The following UGGT2 variants were observed in gnomAD, a reference collection of about 807,000 sequenced individuals.
UGGT2 encodes UDP-glucose glycoprotein glucosyltransferase 2, also known as UDP-glucose:glycoprotein glucosyltransferase 2.
A neutral mutation model predicts 192.1 loss-of-function variants in UGGT2; 180 were observed. The observed-to-expected ratio is 0.94, with a 90% CI of 0.83 to 1.06. The LOEUF (loss-of-function observed/expected upper bound fraction) is 1.06. Among genes scored for constraint, UGGT2 ranks in the 50% least tolerant of loss-of-function variants. The probability of loss-of-function intolerance (pLI) is 0.00; values close to 1 mark genes in which losing one functional copy is unlikely to be tolerated. For synonymous variants in UGGT2, 580 were observed against 591.0 expected (o/e 0.98, Z 0.27); for missense variants, 1,849 against 1,795.7 (o/e 1.03, Z -0.54).
In UGGT2 at chr13:95,947,195, G is replaced by T. The variant is rs1266513971; in HGVS notation, c.1542-23C>A. 5 of 1,568,124 alleles carry T rather than the reference G, an allele frequency of 3.2e-6. No homozygotes were observed. In the Admixed American group the frequency reaches 5.9e-5, roughly 18 times the overall value. On this transcript the variant is annotated intron_variant, in intron 14 of 38. Transcript: ENST00000376747. Reference sequence around the variant, plus strand: ...ATTCTGGAAAAAGAAGATGAACAAGGACTGTTATAATTACCTCTTGAATCA... The same window carrying T: ...ATTCTGGAAAAAGAAGATGAACAAGTACTGTTATAATTACCTCTTGAATCA...
At chr13:95,895,329 T>C in intron 22 of UGGT2, 25 bp from the exon 23 acceptor site, 4 of 1,294,880 alleles carry the variant, frequency 3.1e-6, no homozygotes, top group Non-Finnish European at 4.2e-6. Context: ...AGTTATATTA[T>C]CATATATCTT....
intron 33 of UGGT2, 181 bp from the exon 34 acceptor site, chr13:95,856,521 A>G (rs1889634083): frequency 1.8e-6 from 1 of 571,292 alleles, no homozygotes; most frequent in Non-Finnish European, 3.0e-6. Context: ...GCTAACAAAT[A>G]TGAAATCACA....
intron 15 of UGGT2, among the ~76,000 whole-genome samples, chr13:95,946,344 G>A (rs1455432631): frequency 6.6e-6 from 1 of 152,100 alleles, no homozygotes; most frequent in Non-Finnish European, 1.5e-5. Context: ...TATATGCTAT[G>A]TCATTCAGAA....
chr13:95,950,651 ATAAC>A (rs1307751260), intron 12 of UGGT2, among the ~76,000 whole-genome samples: 3 of 151,672 alleles, frequency 2.0e-5, no homozygotes, highest in Non-Finnish European at 4.4e-5. Flanking sequence ...GGACTTTAAA[ATAAC>A]TATCAATATA....
intron 13 of UGGT2, 136 bp downstream of exon 13, chr13:95,949,199 C>T: frequency 1.3e-6 from 1 of 796,236 alleles, no homozygotes; most frequent in Non-Finnish European, 1.8e-6. Context: ...TCAGCCATGC[C>T]ACCTAAGCTT....
intron 38 of UGGT2, chr13:95,809,234 T>C: frequency 1.8e-6 from 1 of 564,040 alleles, no homozygotes; most frequent in Non-Finnish European, 3.1e-6. Flanking sequence ...TACAAAATAG[T>C]TGATAAAAAT....
intron 24 of UGGT2, among the ~76,000 whole-genome samples, chr13:95,893,679 T>C (rs537358085): frequency 7.2e-5 from 11 of 152,160 alleles, no homozygotes; most frequent in Non-Finnish European, 1.3e-4. Flanking sequence ...AGACAAAAAA[T>C]GGTATTTCTA....
chr13:95,971,634 G>C (rs1217983497), intron 11 of UGGT2, among the ~76,000 whole-genome samples: 1 of 152,044 alleles, frequency 6.6e-6, no homozygotes, highest in East Asian at 1.9e-4. Flanking sequence ...TGTTTTCACT[G>C]CTGCTGGGCA....
At chr13:95,874,733 C>A (rs2140148669) in intron 29 of UGGT2, among the ~76,000 whole-genome samples, 1 of 152,080 alleles carries the variant, frequency 6.6e-6, no homozygotes, top group South Asian at 2.1e-4. Flanking sequence ...ACTCTGTTGC[C>A]CAGCCTGGAG....
At chr13:95,914,800 CA>C (rs35854020) in intron 20 of UGGT2, among the ~76,000 whole-genome samples, 55,293 of 151,288 alleles carry the variant, frequency 0.37, 10,426 homozygotes, top group Middle Eastern at 0.42. Flanking sequence ...GAGACTCTTT[CA>C]AAAAAACAAA....
intron 23 of UGGT2, 76 bp from the exon 24 acceptor site, chr13:95,894,733 G>T: frequency 8.0e-7 from 1 of 1,256,204 alleles, no homozygotes; most frequent in Non-Finnish European, 1.1e-6. Flanking sequence ...AATGCTTCAA[G>T]AAAGGTTTTA....
intron 5 of UGGT2, among the ~76,000 whole-genome samples, chr13:96,003,513 G>A (rs1163937476): frequency 6.6e-6 from 1 of 152,142 alleles, no homozygotes; most frequent in Non-Finnish European, 1.5e-5. Context: ...GGCTGGCCTT[G>A]TGACTTGCTT....
Position 95,887,927 on chromosome 13 carries a change from G to A in UGGT2, c.3003C>T (p.Asn1001=), listed in dbSNP as rs756055522. 4 of 1,603,750 alleles carry A rather than the reference G, an allele frequency of 2.5e-6. No individual in the cohort carries two copies. Among genetic ancestry groups the A allele is most frequent in the Non-Finnish European group, 3.4e-6 (4 of 1,174,626 alleles). ...IINMKIKLFM[N]CRGRLSEAPL... ...GGGCTTCTGAAAGCCTGCCCCTACAGTTCATGAACAACTTTATCTTCATGT... is the reference window on the plus strand; with the variant it reads ...GGGCTTCTGAAAGCCTGCCCCTACAATTCATGAACAACTTTATCTTCATGT... Residue 1001 remains asparagine (N), a synonymous_variant, in exon 26 of 39, where the codon AAC becomes AAT. Transcript: ENST00000376747.
intron 29 of UGGT2, among the ~76,000 whole-genome samples, chr13:95,875,637 A>G (rs1235450496): frequency 6.6e-6 from 1 of 152,196 alleles, no homozygotes; most frequent in Non-Finnish European, 1.5e-5. Flanking sequence ...CGTCTGTGGT[A>G]TGACTAATAA....
intron 24 of UGGT2, among the ~76,000 whole-genome samples, chr13:95,892,701 C>A (rs1201461462): frequency 2.0e-5 from 3 of 152,092 alleles, no homozygotes; most frequent in Non-Finnish European, 4.4e-5. Context: ...TATATAGCAT[C>A]CTCTTTATAA....
chr13:95,811,072 C>T (rs1341450535), intron 38 of UGGT2, among the ~76,000 whole-genome samples: 2 of 152,062 alleles, frequency 1.3e-5, no homozygotes, highest in African/African-American at 4.8e-5. Flanking sequence ...TTCTCAGCCA[C>T]TATGATATTT....
chr13:95,814,834 A>T (rs993620339), intron 38 of UGGT2, among the ~76,000 whole-genome samples: 1 of 152,176 alleles, frequency 6.6e-6, no homozygotes, highest in Admixed American at 6.5e-5. Context: ...TCTTTAAGAA[A>T]ATTTCAGGAA....
In UGGT2 at chr13:95,821,455, GT is replaced by G. The variant is rs541798238; in HGVS notation, c.4528+11471del. ...GATTATTTTTTTCTTGCTAATTTGAGTTTTTTGTAGATTCTGGATACTAGTC... is the reference window on the plus strand; with the variant it reads ...GATTATTTTTTTCTTGCTAATTTGAGTTTTTGTAGATTCTGGATACTAGTC... On this transcript the variant is annotated intron_variant, in intron 38 of 38. Transcript: ENST00000376747. 1.6e-3 allele frequency among the ~76,000 whole-genome samples: 247 copies of G among 152,112 alleles called. 1 individual carries two copies. The highest frequency in any genetic ancestry group is 3.0e-3 in the Non-Finnish European group (201 of 67,958).
intron 38 of UGGT2, among the ~76,000 whole-genome samples, chr13:95,825,272 A>ATC (rs1457881151): frequency 6.6e-6 from 1 of 152,120 alleles, no homozygotes; most frequent in Non-Finnish European, 1.5e-5. Context: ...CTGGGTAGGA[A>ATC]CCTGTTGTAG....
Sources: gnomAD v4.1 joint callset for allele counts (sites outside exome capture counted in the v4.1 genomes callset) on GRCh38, gnomAD v4.1.1 for gene constraint, MANE v1.5 for transcripts, NCBI Gene and HGNC (gene_info 2026-07-23, HGNC 2026-07-21) for gene names.